UBE2V2: variants seen among roughly 807,000 people sequenced by gnomAD.
UBE2V2 encodes ubiquitin-conjugating enzyme E2 variant 2.
Under a neutral mutation model 17.2 loss-of-function variants are expected in UBE2V2, and 9 were observed. The observed-to-expected ratio is 0.52, with a 90% CI of 0.32 to 0.91. The LOEUF is 0.91. UBE2V2 is among the 40% of genes least tolerant of loss of function. The probability of loss-of-function intolerance (pLI) is 0.04; values close to 1 mark genes in which losing one functional copy is unlikely to be tolerated. For synonymous variants in UBE2V2, 61 were observed against 57.5 expected, an observed-to-expected ratio of 1.06 and a Z score of -0.28; for missense variants, 133 against 182.6, an observed-to-expected ratio of 0.73 and a Z score of 1.56.
chr8:48,051,516 T>C (rs1017254203), intron 3 of UBE2V2, among the ~76,000 whole-genome samples: 4 of 152,194 alleles, frequency 2.6e-5, no homozygotes, highest in Non-Finnish European at 5.9e-5. Flanking sequence ...CTGTTTACCA[T>C]CTGTTAAAAA....
At chr8:48,005,217 G>A (rs1214778570), upstream of UBE2V2, among the ~76,000 whole-genome samples, 1 of 151,508 alleles carries the variant, frequency 6.6e-6, no homozygotes, top group African/African-American at 2.4e-5. Flanking sequence ...CCCTCCCTGT[G>A]TCCATGTGTT....
intron 1 of UBE2V2, 41 bp downstream of exon 1, chr8:48,008,511 C>T: frequency 6.4e-7 from 1 of 1,552,790 alleles, no homozygotes; most frequent in Non-Finnish European, 8.7e-7. Context: ...CCGCTCCGAC[C>T]CGGCTCTGCC....
chr8:48,040,201 C>T (rs939239433), intron 1 of UBE2V2, among the ~76,000 whole-genome samples: 26 of 152,092 alleles, frequency 1.7e-4, no homozygotes, highest in Admixed American at 1.2e-3. Context: ...CCTCCCTTCA[C>T]ATTCGATTTT....
chr8:48,029,965 TAA>T (rs988548061), intron 1 of UBE2V2, among the ~76,000 whole-genome samples: 1 of 152,164 alleles, frequency 6.6e-6, no homozygotes, highest in Non-Finnish European at 1.5e-5. Context: ...ACTTAGAAAT[TAA>T]AACTAGAGAG....
intron 1 of UBE2V2, chr8:48,034,969 C>G: frequency 1.0e-6 from 1 of 973,038 alleles, no homozygotes; most frequent in Non-Finnish European, 1.2e-6. Flanking sequence ...TTAGGACTTC[C>G]TCACATCCCG....
Position 48,063,306 on chromosome 8 carries a change from T to TTG in UBE2V2, c.*2478_*2479insTG, listed in dbSNP as rs1163333129. On this transcript the variant is annotated 3_prime_UTR_variant, in exon 4 of 4. Coordinates refer to ENST00000523111, the MANE Select transcript of UBE2V2 (RefSeq NM_003350.3). ...TTGCATGTCACAATCAAGATGTACT[T>TTG]GGCAATCTAAGACACACTGGGAGAC... 2 of 152,220 alleles carry TTG rather than the reference T, an allele frequency of 1.3e-5. No individual in the cohort carries two copies. The highest frequency in any genetic ancestry group is 4.8e-5 in the African/African-American group (2 of 41,456). The allele number at this position is 152,220 out of a possible 1,614,324, so 9.4% of individuals were successfully genotyped here.
At chr8:48,031,203 T>G (rs951693964) in intron 1 of UBE2V2, among the ~76,000 whole-genome samples, 5 of 119,454 alleles carry the variant, frequency 4.2e-5, no homozygotes, top group African/African-American at 1.6e-4. Flanking sequence ...AGCAAGACTC[T>G]GTCTCAAAAC....
intron 3 of UBE2V2, among the ~76,000 whole-genome samples, chr8:48,052,158 C>A (rs538942349): frequency 6.6e-6 from 1 of 152,144 alleles, no homozygotes; most frequent in Non-Finnish European, 1.5e-5. Context: ...GCACACTTAT[C>A]TATTTTTAAG....
At chr8:48,021,876 T>C (rs1301416417) in intron 1 of UBE2V2, among the ~76,000 whole-genome samples, 3 of 151,040 alleles carry the variant, frequency 2.0e-5, no homozygotes, top group African/African-American at 4.9e-5. Flanking sequence ...GACCGGGTTT[T>C]ACCATGTTGG....
At chr8:48,002,701 G>A in the UBE2V2 span, among the ~76,000 whole-genome samples, 1 of 152,110 alleles carries the variant, frequency 6.6e-6, no homozygotes, top group South Asian at 2.1e-4. Flanking sequence ...GGGGATTGGG[G>A]AGATGTTGGT....
the UBE2V2 span, among the ~76,000 whole-genome samples, chr8:47,999,371 T>G: frequency 6.6e-6 from 1 of 152,074 alleles, no homozygotes; most frequent in Non-Finnish European, 1.5e-5. Flanking sequence ...CCTTTTTTTT[T>G]TTTTGAGATG....
chr8:48,043,053 T>G lies in UBE2V2; in HGVS notation c.37T>G (p.Phe13Val). 1.9e-6 allele frequency: 3 copies of G among 1,573,514 alleles called. No individual in the cohort carries two copies. The highest frequency in any genetic ancestry group is 1.2e-5 in the South Asian group (1 of 83,636). ...VSTGVKVPRN[F>V]RLLEELEEGQ... ...TATAGGAGTTAAAGTTCCTCGTAAT[T>G]TTCGCTTGTTGGAAGAACTTGAAGA... Residue 13 changes from phenylalanine to valine, a missense_variant, in exon 2 of 4, where the codon TTT (phenylalanine) becomes GTT (valine). Coordinates refer to ENST00000523111, the MANE Select transcript of UBE2V2 (RefSeq NM_003350.3).
chr8:48,051,224 A>G (rs777819129), intron 3 of UBE2V2, among the ~76,000 whole-genome samples: 11 of 152,302 alleles, frequency 7.2e-5, no homozygotes, highest in Non-Finnish European at 8.8e-5. Flanking sequence ...AATTTCCAGT[A>G]TGAGTAGATT....
chr8:48,030,052 TC>T (rs1201343284), intron 1 of UBE2V2, among the ~76,000 whole-genome samples: 2 of 152,238 alleles, frequency 1.3e-5, no homozygotes. Context: ...CCTTGATAGT[TC>T]TGCAATAAAC....
intron 1 of UBE2V2, among the ~76,000 whole-genome samples, chr8:48,015,919 A>T (rs2091265863): frequency 7.6e-6 from 1 of 131,288 alleles, no homozygotes; most frequent in African/African-American, 3.0e-5. Flanking sequence ...TTTTTTTGAG[A>T]CGGAGTCTCA....
At chr8:48,014,101 C>G (rs2091251436) in intron 1 of UBE2V2, among the ~76,000 whole-genome samples, 1 of 152,136 alleles carries the variant, frequency 6.6e-6, no homozygotes, top group African/African-American at 2.4e-5. Flanking sequence ...GTGTATTTCC[C>G]TCTTGAGGCT....
rs530998655 is a variant in UBE2V2 at position 48,017,404 on chromosome 8, G to A, written c.16+8934G>A. The stretch of plus-strand genomic sequence containing the variant: ...TTTTTTTTTTTTTTGGTGGAGTTTC[G>A]CTCTTGTTGCCCAGGCTGGAGTGCA... On this transcript the variant is annotated intron_variant, in intron 1 of 3. Coordinates refer to ENST00000523111, the MANE Select transcript of UBE2V2 (RefSeq NM_003350.3). Among the ~76,000 whole-genome samples, 22 of 146,172 alleles carry A rather than the reference G, an allele frequency of 1.5e-4. No homozygotes were observed. The East Asian group carries it at 2.0e-3, about 13-fold the overall frequency.
At chr8:48,015,064 A>T (rs1176933720) in intron 1 of UBE2V2, among the ~76,000 whole-genome samples, 2 of 151,178 alleles carry the variant, frequency 1.3e-5, no homozygotes, top group Admixed American at 6.6e-5. Flanking sequence ...AAAAAAAAAA[A>T]AAAAAAATAA....
chr8:48,012,797 ATAGTACAGAAAGTT>A (rs1298023929), intron 1 of UBE2V2, among the ~76,000 whole-genome samples: 1 of 152,164 alleles, frequency 6.6e-6, no homozygotes, highest in Non-Finnish European at 1.5e-5. Context: ...AGTTGTGAAG[ATAGTACAGAAAGTT>A]TCCATGCACC....
Sources: allele counts gnomAD v4.1 joint callset (sites outside exome capture counted in the v4.1 genomes callset), GRCh38; gene constraint gnomAD v4.1.1; transcripts MANE v1.5; gene names NCBI Gene and HGNC (gene_info 2026-07-23, HGNC 2026-07-21).